NCOR2: variants seen among roughly 807,000 people sequenced by gnomAD.
The protein encoded by NCOR2 is CTG repeat protein 26.
In NCOR2, 81 loss-of-function variants were observed where a neutral mutation model predicts 262.9. The observed-to-expected ratio is 0.31, with a 90% confidence interval of 0.26 to 0.37. NCOR2 has a LOEUF of 0.37. Ranked by LOEUF, NCOR2 falls within the 10% of genes least tolerant of loss-of-function variation. The pLI, the probability that NCOR2 is intolerant of heterozygous loss-of-function variation, is 1.00. For synonymous variants in NCOR2, 1,659 were observed against 1,559.3 expected, an observed-to-expected ratio of 1.06 and a Z score of -1.51; for missense variants, 3,385 against 3,621.4, an observed-to-expected ratio of 0.93 and a Z score of 1.68.
Position 124,378,262 on chromosome 12 carries a change from C to T in NCOR2, c.2142G>A (p.Glu714=). ...CTTCAGCCTCCTCCACCATCTCCTCCTCATTTCCGCTCACGCCCGACGCCT... is the reference window on the plus strand; with the variant it reads ...CTTCAGCCTCCTCCACCATCTCCTCTTCATTTCCGCTCACGCCCGACGCCT... Residue 714 remains glutamate (E), a synonymous_variant, in exon 18 of 47, where the codon GAG becomes GAA. Coordinates refer to ENST00000405201, the Ensembl canonical transcript of NCOR2. The surrounding 1 kb of genome is among the most constrained non-coding windows in gnomAD (Gnocchi z 4.2). 3 of 1,613,976 alleles carry T rather than the reference C, an allele frequency of 1.9e-6. No homozygotes were observed. The highest frequency in any genetic ancestry group is 2.5e-6 in the Non-Finnish European group (3 of 1,179,864).
intron 11 of NCOR2, among the ~76,000 whole-genome samples, chr12:124,423,437 CAGG>C (rs1478273282): frequency 1.3e-5 from 2 of 152,204 alleles, no homozygotes; most frequent in African/African-American, 2.4e-5. Context: ...GATGGCTGGG[CAGG>C]AGGCCAGCAG....
intron 13 of NCOR2, among the ~76,000 whole-genome samples, chr12:124,406,467 C>T (rs187980366): frequency 9.8e-5 from 15 of 152,300 alleles, no homozygotes; most frequent in Non-Finnish European, 1.5e-5. Flanking sequence ...GAATCCTTGT[C>T]TCACAAGGCA....
chr12:124,431,657 A>C (rs1369162371), intron 8 of NCOR2, among the ~76,000 whole-genome samples: 1 of 151,220 alleles, frequency 6.6e-6, no homozygotes, highest in African/African-American at 2.4e-5. Context: ...ACAGGCACAC[A>C]CAAGTCACAC....
intron 8 of NCOR2, among the ~76,000 whole-genome samples, chr12:124,435,395 G>C (rs1214497762): frequency 6.6e-6 from 1 of 152,226 alleles, no homozygotes; most frequent in African/African-American, 2.4e-5. Context: ...TCAAGGTGGG[G>C]GATCTGAGGA....
At chr12:124,557,759 C>G (rs1422279525) in intron 1 of NCOR2, among the ~76,000 whole-genome samples, 1 of 152,096 alleles carries the variant, frequency 6.6e-6, no homozygotes, top group Non-Finnish European at 1.5e-5. Flanking sequence ...CAGGTGTCTC[C>G]CAACTTCTCC....
chr12:124,336,802 C>T, exon 38 of NCOR2: 1 of 1,613,372 alleles, frequency 6.2e-7, no homozygotes, highest in Non-Finnish European at 8.5e-7. Flanking sequence ...TACTTTGAGT[C>T]TTTTCCCGGT....
At chr12:124,464,371 A>G (rs1204351114) in intron 5 of NCOR2, among the ~76,000 whole-genome samples, 1 of 152,178 alleles carries the variant, frequency 6.6e-6, no homozygotes, top group African/African-American at 2.4e-5. Context: ...CAGAGAGGGC[A>G]GGTAGAGGTG....
chr12:124,502,209 A>C (rs2048778371), intron 1 of NCOR2, among the ~76,000 whole-genome samples: 1 of 152,212 alleles, frequency 6.6e-6, no homozygotes, highest in South Asian at 2.1e-4. Flanking sequence ...CCCCACAGCC[A>C]ATGAGGAAGG....
intron 1 of NCOR2, among the ~76,000 whole-genome samples, chr12:124,530,902 A>T (rs2137153107): frequency 6.6e-6 from 1 of 152,330 alleles, no homozygotes; most frequent in South Asian, 2.1e-4. Context: ...GCTGGCCAGG[A>T]TTCTTGTAAC....
chr12:124,406,881 A>G (rs943650925), intron 13 of NCOR2, among the ~76,000 whole-genome samples: 2 of 152,208 alleles, frequency 1.3e-5, no homozygotes, highest in Non-Finnish European at 2.9e-5. Context: ...AAATATCTTA[A>G]TTAAAAACAG....
At chr12:124,344,767 G>T in exon 32 of NCOR2, 1 of 1,549,502 alleles carries the variant, frequency 6.5e-7, no homozygotes. Context: ...CGAGCTGCTG[G>T]CGGTCCCTGG....
chr12:124,542,239 G>A (rs1256638499), intron 1 of NCOR2, among the ~76,000 whole-genome samples: 1 of 152,048 alleles, frequency 6.6e-6, no homozygotes, highest in Non-Finnish European at 1.5e-5. Flanking sequence ...GCGGGCCATT[G>A]CCTCGGGGCT....
intron 13 of NCOR2, among the ~76,000 whole-genome samples, chr12:124,413,728 G>A (rs530330502): frequency 5.2e-4 from 79 of 152,244 alleles, no homozygotes; most frequent in Admixed American, 7.2e-4. Flanking sequence ...GACGCAGAGC[G>A]GGAGACAGAG....
intron 16 of NCOR2, 100 bp downstream of exon 18, chr12:124,398,019 C>T (rs2041787648): frequency 3.5e-6 from 5 of 1,430,738 alleles, no homozygotes; most frequent in Non-Finnish European, 4.9e-6. Flanking sequence ...ACCACAGCCC[C>T]TGGCTCAAGG....
At position 124,368,289 on chromosome 12, in the gene NCOR2, AGG is replaced by A. The variant is rs1186654853; in HGVS notation, c.2807+3731_2807+3732del. ...GGCCGGTTGGGGGGCAGGGCACGAG[AGG>A]GGGAATAAGGGCCTGGGGACATTCA... On this transcript the variant is annotated intron_variant, in intron 20 of 46. Coordinates refer to ENST00000405201, the Ensembl canonical transcript of NCOR2. Among the ~76,000 whole-genome samples the A allele has an allele frequency of 3.1e-4, 47 of 151,978 alleles. 2 individuals are homozygous for A. The highest frequency in any genetic ancestry group is 4.4e-5 in the Non-Finnish European group (3 of 67,968).
chr12:124,326,362 C>T lies in NCOR2; in HGVS notation c.7192G>A (p.Gly2398Arg), dbSNP rs781032831. 1.7e-5 allele frequency: 25 copies of T among 1,491,424 alleles called. 1 individual carries two copies. The highest frequency in any genetic ancestry group is 1.5e-4 in the East Asian group (6 of 39,384). 92.4% of individuals were successfully genotyped at this position (1,491,424 alleles called of 1,614,324 possible). A position where few individuals can be genotyped will look rare whatever the true frequency, so the allele number is the denominator to read the frequency against. The change falls in exon 46 of 47, where the codon GGG becomes AGG. Residue 2398 changes from glycine (G) to arginine (R), a missense_variant. Around this residue, in one of 5 missense-constraint regions of NCOR2, gnomAD observed 1,017 missense variants for 967.2 expected, o/e 1.05. Transcript: ENST00000405201. ...GGTCTGCCAGAGACCTTGGCCTTCCCGCCGCCACCTGCAGGGGGACAAGAT... is the reference window on the plus strand; with the variant it reads ...GGTCTGCCAGAGACCTTGGCCTTCCTGCCGCCACCTGCAGGGGGACAAGAT...
chr12:124,433,900 GCACACACA>G, intron 8 of NCOR2, among the ~76,000 whole-genome samples: 1 of 131,482 alleles, frequency 7.6e-6, no homozygotes, highest in African/African-American at 2.9e-5. Context: ...ACACACACAC[GCACACACA>G]CACACAGGGA....
chr12:124,342,603 T>C (rs59494544), intron 33 of NCOR2, among the ~76,000 whole-genome samples: 21,338 of 152,010 alleles, frequency 0.14, 2,313 homozygotes, highest in East Asian at 0.38. Flanking sequence ...CTCCTGACCT[T>C]GTGATCCGCC....
chr12:124,430,155 T>C (rs1442506414), intron 9 of NCOR2, among the ~76,000 whole-genome samples: 2 of 152,214 alleles, frequency 1.3e-5, no homozygotes, highest in Non-Finnish European at 2.9e-5. Flanking sequence ...TCATTACCAA[T>C]GAATCGCCTT....
Sources: allele counts gnomAD v4.1 joint callset (sites outside exome capture counted in the v4.1 genomes callset), GRCh38; gene constraint gnomAD v4.1.1; regional missense constraint gnomAD v4.1.1; non-coding constraint Gnocchi (gnomAD v3.1); transcripts MANE v1.5; gene names NCBI Gene and HGNC (gene_info 2026-07-23, HGNC 2026-07-21).